The following ENTREP2 variants were observed in gnomAD, a reference collection of about 807,000 sequenced individuals.
ENTREP2 encodes endosomal transmembrane epsin interactor 2, also known as protein ENTREP2.
chr15:29,650,089 G>A, the ENTREP2 span, among the ~76,000 whole-genome samples: 2 of 152,100 alleles, frequency 1.3e-5, no homozygotes, highest in Middle Eastern at 3.4e-3. Context: ...CCCAAGTCAC[G>A]AGATTATGCA....
the ENTREP2 span, among the ~76,000 whole-genome samples, chr15:29,378,274 C>G: frequency 1.3e-5 from 2 of 150,452 alleles, no homozygotes; most frequent in Non-Finnish European, 2.9e-5. Context: ...TAAGGACATA[C>G]AGGTCCCACT....
At chr15:29,393,465 C>A in the ENTREP2 span, among the ~76,000 whole-genome samples, 2 of 152,222 alleles carry the variant, frequency 1.3e-5, no homozygotes, top group Admixed American at 6.5e-5. Flanking sequence ...CAGCCACATA[C>A]CGCCTGACGC....
At chr15:29,624,870 T>C in the ENTREP2 span, among the ~76,000 whole-genome samples, 1 of 135,412 alleles carries the variant, frequency 7.4e-6, no homozygotes, top group Non-Finnish European at 1.5e-5. Flanking sequence ...CCTGCATTAA[T>C]TTGTGTGTGT....
At chr15:29,162,944 T>A in the ENTREP2 span, among the ~76,000 whole-genome samples, 2 of 152,116 alleles carry the variant, frequency 1.3e-5, no homozygotes, top group Non-Finnish European at 2.9e-5. Flanking sequence ...CAGGTGCTGG[T>A]ATCCATGGCT....
the ENTREP2 span, among the ~76,000 whole-genome samples, chr15:29,588,502 G>C: frequency 3.0e-5 from 4 of 134,478 alleles, no homozygotes; most frequent in Non-Finnish European, 6.1e-5. Flanking sequence ...GAGAGAGAGA[G>C]AGAGAGGGAG....
the ENTREP2 span, among the ~76,000 whole-genome samples, chr15:29,533,911 T>G: frequency 6.6e-6 from 1 of 151,846 alleles, no homozygotes; most frequent in Non-Finnish European, 1.5e-5. Flanking sequence ...AGGACAGAGT[T>G]TGGGTTTGCT....
the ENTREP2 span, chr15:29,569,412 G>A: frequency 7.2e-5 from 11 of 151,966 alleles, no homozygotes; most frequent in East Asian, 1.9e-3. Flanking sequence ...AAAGCTGGAC[G>A]AATTTTTCAA....
chr15:29,380,572 A>G, the ENTREP2 span, among the ~76,000 whole-genome samples: 1 of 152,228 alleles, frequency 6.6e-6, no homozygotes, highest in South Asian at 2.1e-4. Context: ...GAACAGGCAT[A>G]CAAATCAATA....
At chr15:29,626,541 T>C in the ENTREP2 span, among the ~76,000 whole-genome samples, 1 of 152,218 alleles carries the variant, frequency 6.6e-6, no homozygotes, top group Non-Finnish European at 1.5e-5. Flanking sequence ...TACCCAATCT[T>C]GAGTATGTCT....
At chr15:29,404,221 A>C in the ENTREP2 span, among the ~76,000 whole-genome samples, 1 of 151,910 alleles carries the variant, frequency 6.6e-6, no homozygotes. Flanking sequence ...TGGGAAAGGG[A>C]CTCAGTCTAT....
chr15:29,605,518 TAA>T, the ENTREP2 span, among the ~76,000 whole-genome samples: 1 of 152,200 alleles, frequency 6.6e-6, no homozygotes, highest in African/African-American at 2.4e-5. Context: ...ACTCATTTTT[TAA>T]AAGTCATTTT....
At chr15:29,177,616 A>G in the ENTREP2 span, among the ~76,000 whole-genome samples, 1 of 152,198 alleles carries the variant, frequency 6.6e-6, no homozygotes, top group Non-Finnish European at 1.5e-5. Context: ...AACTCAGTCT[A>G]GAGGGACACA....
At chr15:29,155,209 G>C in the ENTREP2 span, among the ~76,000 whole-genome samples, 1 of 151,814 alleles carries the variant, frequency 6.6e-6, no homozygotes, top group Non-Finnish European at 1.5e-5. Context: ...GTGAACCCAG[G>C]AGGTGGAGCT....
the ENTREP2 span, among the ~76,000 whole-genome samples, chr15:29,161,345 G>A: frequency 1.3e-5 from 2 of 152,154 alleles, no homozygotes; most frequent in Non-Finnish European, 2.9e-5. Flanking sequence ...AGGCATCCGT[G>A]GTGGGCCCTT....
At chr15:29,440,628 A>G in the ENTREP2 span, among the ~76,000 whole-genome samples, 1 of 152,066 alleles carries the variant, frequency 6.6e-6, no homozygotes, top group Non-Finnish European at 1.5e-5. Context: ...CTGTTCCTCA[A>G]TCATACTCAA....
the ENTREP2 span, among the ~76,000 whole-genome samples, chr15:29,213,744 G>A: frequency 6.6e-6 from 1 of 152,162 alleles, no homozygotes; most frequent in Non-Finnish European, 1.5e-5. Context: ...ACTACCATCA[G>A]AGTGAACAGG....
the ENTREP2 span, among the ~76,000 whole-genome samples, chr15:29,226,663 G>A: frequency 6.6e-6 from 1 of 152,184 alleles, no homozygotes; most frequent in South Asian, 2.1e-4. Context: ...TGGTTACTAT[G>A]GGGCTCTTCC....
the ENTREP2 span, among the ~76,000 whole-genome samples, chr15:29,636,617 G>A: frequency 5.3e-5 from 8 of 152,160 alleles, no homozygotes; most frequent in African/African-American, 1.9e-4. Context: ...ACCCTGATAC[G>A]ACGCTCCTGC....
chr15:29,329,483 C>A, the ENTREP2 span, among the ~76,000 whole-genome samples: 6 of 152,062 alleles, frequency 3.9e-5, no homozygotes, highest in East Asian at 1.2e-3. Flanking sequence ...AAAGAGGAAC[C>A]AATGTATTTC....
Sources: gnomAD v4.1 joint callset for allele counts (sites outside exome capture counted in the v4.1 genomes callset) on GRCh38, gnomAD v4.1.1 for gene constraint, MANE v1.5 for transcripts, NCBI Gene and HGNC (gene_info 2026-07-23, HGNC 2026-07-21) for gene names.